Variants in SLC12A1 observed in about 807,000 individuals in gnomAD.
The protein encoded by SLC12A1 is Na-K-2Cl cotransporter.
Under a neutral mutation model 130.4 loss-of-function variants are expected in SLC12A1, and 89 were observed. The ratio of observed to expected loss-of-function variants is 0.68; its 90% CI spans 0.58 to 0.81. The LOEUF (loss-of-function observed/expected upper bound fraction) is 0.81, where lower values mean the gene tolerates loss of function less well. SLC12A1 is among the 40% of genes least tolerant of loss of function. The pLI is 0.00. For missense variants in SLC12A1, 1,310 were observed against 1,336.4 expected (o/e 0.98, Z 0.31); for synonymous variants, 499 against 460.0 (o/e 1.08, Z -1.09).
At chr15:48,241,407 G>C (rs2041514050) in intron 9 of SLC12A1, 108 bp from the exon 10 acceptor site, 6 of 845,134 alleles carry the variant, frequency 7.1e-6, no homozygotes, top group Non-Finnish European at 1.2e-5. Context: ...CTTAGAACTT[G>C]CCTCAGGAAG....
chr15:48,276,766 G>A (rs1200649282), intron 20 of SLC12A1, among the ~76,000 whole-genome samples: 1 of 152,126 alleles, frequency 6.6e-6, no homozygotes, highest in Non-Finnish European at 1.5e-5. Context: ...CTCAAAGACT[G>A]CATGTAGCCA....
intron 25 of SLC12A1, among the ~76,000 whole-genome samples, chr15:48,300,550 G>GA (rs1259445855): frequency 6.6e-6 from 1 of 151,998 alleles, no homozygotes; most frequent in African/African-American, 2.4e-5. Flanking sequence ...AGCTGAACTT[G>GA]AAAAAATTCG....
intron 26 of SLC12A1, among the ~76,000 whole-genome samples, chr15:48,302,506 G>GCTACT (rs2042245109): frequency 6.7e-6 from 1 of 149,966 alleles, no homozygotes; most frequent in Non-Finnish European, 1.5e-5. Flanking sequence ...TGTAGTCCCA[G>GCTACT]CTACTCGGGA....
chr15:48,227,344 T>A, intron 5 of SLC12A1: 4 of 619,174 alleles, frequency 6.5e-6, no homozygotes, highest in Non-Finnish European at 1.2e-5. Context: ...AAAATTGGAA[T>A]ATCTTCATTG....
intron 24 of SLC12A1, among the ~76,000 whole-genome samples, 174 bp from the exon 25 acceptor site, chr15:48,298,966 G>GTACTGAT (rs888185746): frequency 1.3e-5 from 2 of 152,202 alleles, no homozygotes; most frequent in African/African-American, 4.8e-5. Flanking sequence ...TAGGGAGGGA[G>GTACTGAT]TACTGTAGCC....
At chr15:48,288,594 T>C (rs2042085214) in intron 23 of SLC12A1, 78 bp downstream of exon 23, 1 of 726,958 alleles carries the variant, frequency 1.4e-6, no homozygotes, top group Non-Finnish European at 2.4e-6. Flanking sequence ...TAACTTTAAG[T>C]GTCTCTGAGA....
intron 13 of SLC12A1, among the ~76,000 whole-genome samples, chr15:48,248,799 T>A (rs1163302897): frequency 6.6e-6 from 1 of 152,240 alleles, no homozygotes; most frequent in African/African-American, 2.4e-5. Context: ...ATCCTGGCAC[T>A]TTGGGAGGCT....
Position 48,247,609 on chromosome 15 carries a change from G to A in SLC12A1, c.1684+149G>A, listed in dbSNP as rs8033546. 0.033 allele frequency: 20,853 copies of A among 634,150 alleles called. 865 individuals are homozygous for A. The highest frequency in any genetic ancestry group is 0.15 in the African/African-American group (8,281 of 54,044). The allele number at this position is 634,150 out of a possible 1,614,324, so 39.3% of individuals were successfully genotyped here. ...TCTAAGAAGGAAATGAGAAATCCTT[G>A]TGTGTAGAGGGCCTTTGAGGAACTC... On this transcript the variant is annotated intron_variant, in intron 13 of 26. Transcript: ENST00000380993.
chr15:48,285,167 G>T lies in SLC12A1; in HGVS notation c.2547G>T (p.Glu849Asp). 1 of 1,613,664 alleles carries T rather than the reference G, an allele frequency of 6.2e-7. No homozygotes were observed. The highest frequency in any genetic ancestry group is 1.1e-5 in the South Asian group (1 of 91,076). ...TGGAAGCGACTATCAAAGATAATGA[G>T]TGTGAAGAGGAAAGTGGAGGCATCC... ...LALEATIKDNECEEESGGIRG... is the reference protein window; with the variant it reads ...LALEATIKDNDCEEESGGIRG... Residue 849 changes from glutamate to aspartate, a missense_variant, in exon 21 of 27, where the codon GAG (glutamate) becomes GAT (aspartate). Transcript: ENST00000380993.
intron 9 of SLC12A1, among the ~76,000 whole-genome samples, chr15:48,238,433 C>A (rs2041464228): frequency 6.6e-6 from 1 of 152,016 alleles, no homozygotes; most frequent in Non-Finnish European, 1.5e-5. Flanking sequence ...CAGGCAGACA[C>A]AGACCTTCAA....
At chr15:48,234,748 G>A (rs530882047) in intron 8 of SLC12A1, 129 bp from the exon 9 acceptor site, 236 of 816,922 alleles carry the variant, frequency 2.9e-4, no homozygotes, top group Middle Eastern at 7.5e-4. Flanking sequence ...GTGAGACTCT[G>A]TCTCAAAAAA....
At chr15:48,279,104 A>C (rs990920784) in intron 20 of SLC12A1, among the ~76,000 whole-genome samples, 1 of 152,262 alleles carries the variant, frequency 6.6e-6, no homozygotes, top group African/African-American at 2.4e-5. Flanking sequence ...ACACAAATAC[A>C]TGAAGAACAC....
Position 48,274,607 on chromosome 15 carries a change from C to T in SLC12A1, c.2439C>T (p.Val813=). The T allele has an allele frequency of 6.2e-7, 1 of 1,613,166 alleles. No homozygotes were observed. ...AFDFEIGVVI[V]RISQGFDISQ... ...ATTTTGAGATTGGCGTGGTTATAGT[C>T]AGAATCAGCCAAGGATTTGACATCT... The change falls in exon 20 of 27, where the codon GTC becomes GTT. Residue 813 remains valine (V), a synonymous_variant. Coordinates refer to ENST00000380993, the MANE Select transcript of SLC12A1 (RefSeq NM_000338.3).
At chr15:48,254,758 T>A (rs934718913) in intron 15 of SLC12A1, among the ~76,000 whole-genome samples, 3 of 150,704 alleles carry the variant, frequency 2.0e-5, no homozygotes, top group African/African-American at 7.3e-5. Context: ...CGTCTCTACT[T>A]AAAAAAATAC....
chr15:48,219,828 G>A lies in SLC12A1; in HGVS notation c.421-806G>A, dbSNP rs375951155. Reference sequence around the variant, plus strand: ...AGCACTTTGGGAGGCCGAGGCAGGCGGATTGCCTGGGCTCAGGAGCTCGAG... The same window carrying A: ...AGCACTTTGGGAGGCCGAGGCAGGCAGATTGCCTGGGCTCAGGAGCTCGAG... On this transcript the variant is annotated intron_variant, in intron 2 of 26. Transcript: ENST00000380993. 1.5e-3 allele frequency among the ~76,000 whole-genome samples: 229 copies of A among 152,070 alleles called. 1 individual carries two copies. The highest frequency in any genetic ancestry group is 5.3e-3 in the African/African-American group (221 of 41,482).
intron 13 of SLC12A1, among the ~76,000 whole-genome samples, chr15:48,247,859 T>C (rs2041601477): frequency 6.6e-6 from 1 of 152,156 alleles, no homozygotes; most frequent in Admixed American, 6.5e-5. Context: ...ACCTGGGGTG[T>C]TTGGGAAAGT....
At chr15:48,291,433 A>T (rs1468327559) in intron 23 of SLC12A1, among the ~76,000 whole-genome samples, 1 of 152,078 alleles carries the variant, frequency 6.6e-6, no homozygotes, top group Non-Finnish European at 1.5e-5. Flanking sequence ...ATTATCACCA[A>T]TATAATAGTC....
intron 4 of SLC12A1, among the ~76,000 whole-genome samples, chr15:48,221,938 C>T (rs950818595): frequency 1.3e-5 from 2 of 152,146 alleles, no homozygotes; most frequent in African/African-American, 2.4e-5. Context: ...CTTCAAAACA[C>T]ATTCAGCATC....
At chr15:48,270,025 A>T (rs2041876095) in intron 19 of SLC12A1, among the ~76,000 whole-genome samples, 1 of 152,212 alleles carries the variant, frequency 6.6e-6, no homozygotes, top group Non-Finnish European at 1.5e-5. Context: ...ACAACCTTAA[A>T]ATCTATTTAC....
Sources: allele counts gnomAD v4.1 joint callset (sites outside exome capture counted in the v4.1 genomes callset), GRCh38; gene constraint gnomAD v4.1.1; transcripts MANE v1.5; gene names NCBI Gene and HGNC (gene_info 2026-07-23, HGNC 2026-07-21).